The following BAZ2B variants were observed in gnomAD, a reference collection of about 807,000 sequenced individuals.
BAZ2B encodes bromodomain adjacent to zinc finger domain protein 2B.
A neutral mutation model predicts 246.0 loss-of-function variants in BAZ2B; 91 were observed. That is an observed-to-expected ratio of 0.37 (90% confidence interval 0.31 to 0.44). The LOEUF is 0.44. BAZ2B is among the 20% of genes least tolerant of loss of function. BAZ2B has a pLI of 1.00. For missense variants in BAZ2B, 2,332 were observed against 2,533.7 expected, an observed-to-expected ratio of 0.92 and a Z score of 1.71; for synonymous variants, 855 against 860.0, an observed-to-expected ratio of 0.99 and a Z score of 0.10.
chr2:159,354,740 T>C (rs2058917881), intron 27 of BAZ2B, among the ~76,000 whole-genome samples: 1 of 152,214 alleles, frequency 6.6e-6, no homozygotes, highest in African/African-American at 2.4e-5. Flanking sequence ...ATCTTTTATC[T>C]CATATAATCC....
the BAZ2B span, among the ~76,000 whole-genome samples, chr2:159,656,138 C>T: frequency 1.3e-5 from 2 of 152,154 alleles, no homozygotes; most frequent in African/African-American, 4.8e-5. Flanking sequence ...ATTTGTCTCT[C>T]ATGCAGTGTG....
intron 36 of BAZ2B, among the ~76,000 whole-genome samples, chr2:159,322,279 T>A (rs1034259478): frequency 4.6e-5 from 7 of 152,180 alleles, no homozygotes; most frequent in African/African-American, 1.7e-4. Flanking sequence ...GTTAAGAAAT[T>A]CACATAAAAT....
chr2:159,661,375 G>A, the BAZ2B span, among the ~76,000 whole-genome samples: 2 of 152,096 alleles, frequency 1.3e-5, no homozygotes, highest in Non-Finnish European at 2.9e-5. Flanking sequence ...CAATTTGGGG[G>A]CTATTACAAA....
rs771515530 is a variant in BAZ2B at position 159,347,549 on chromosome 2, C to T, written c.5391G>A (p.Leu1797=). 3.1e-6 allele frequency: 5 copies of T among 1,613,802 alleles called. No homozygotes were observed. The East Asian group carries it at 8.9e-5, about 29-fold the overall frequency. Residue 1797 remains leucine, a synonymous_variant, in exon 31 of 37, where the codon TTG becomes TTA. Transcript: ENST00000392783. ...SVEEQAMEMD[L]SVLQQVEDLE... Reference sequence around the variant, plus strand: ...GATCTTCTACCTGTTGAAGGACACTCAAATCCATTTCCATTGCTTGTTCTT... The same window carrying T: ...GATCTTCTACCTGTTGAAGGACACTTAAATCCATTTCCATTGCTTGTTCTT...
At chr2:159,318,526 T>C (rs1057109349), downstream of BAZ2B, among the ~76,000 whole-genome samples, 5 of 152,246 alleles carry the variant, frequency 3.3e-5, no homozygotes, top group Non-Finnish European at 5.9e-5. Flanking sequence ...ATAAGCTCCA[T>C]GAAGGCAAGG....
At chr2:159,407,935 TAACATTA>T (rs2066213509) in intron 14 of BAZ2B, among the ~76,000 whole-genome samples, 1 of 152,234 alleles carries the variant, frequency 6.6e-6, no homozygotes, top group African/African-American at 2.4e-5. Flanking sequence ...AATATTTCTT[TAACATTA>T]AGAATTGAAA....
chr2:159,522,610 G>A (rs370333220), intron 2 of BAZ2B, among the ~76,000 whole-genome samples: 24 of 152,240 alleles, frequency 1.6e-4, no homozygotes, highest in African/African-American at 4.1e-4. Context: ...ACAATTAGAC[G>A]TTCCTTATTA....
At chr2:159,536,818 G>A (rs1258603036) in intron 2 of BAZ2B, among the ~76,000 whole-genome samples, 1 of 151,950 alleles carries the variant, frequency 6.6e-6, no homozygotes, top group Non-Finnish European at 1.5e-5. Flanking sequence ...TCTGAATTAC[G>A]ACAAAAATTA....
intron 2 of BAZ2B, among the ~76,000 whole-genome samples, chr2:159,546,143 T>C (rs918239456): frequency 6.6e-6 from 1 of 152,154 alleles, no homozygotes; most frequent in Non-Finnish European, 1.5e-5. Flanking sequence ...TCTAGTGATA[T>C]GGTTTGGCTG....
intron 1 of BAZ2B, among the ~76,000 whole-genome samples, chr2:159,588,888 A>G (rs1688661618): frequency 6.6e-6 from 1 of 152,226 alleles, no homozygotes. Context: ...TACTGGGAAC[A>G]CATTTTATAT....
chr2:159,548,154 G>C (rs1559745957), intron 2 of BAZ2B, among the ~76,000 whole-genome samples: 1 of 152,096 alleles, frequency 6.6e-6, no homozygotes, highest in Non-Finnish European at 1.5e-5. Context: ...AAAATATTCA[G>C]ACTCTAGAAA....
intron 2 of BAZ2B, among the ~76,000 whole-genome samples, chr2:159,501,573 C>T (rs2081848284): frequency 6.6e-6 from 1 of 151,846 alleles, no homozygotes; most frequent in African/African-American, 2.4e-5. Context: ...ATGACCATTA[C>T]CATGATTTTA....
At chr2:159,589,423 C>A (rs943499432) in intron 1 of BAZ2B, among the ~76,000 whole-genome samples, 2 of 150,788 alleles carry the variant, frequency 1.3e-5, no homozygotes, top group Non-Finnish European at 3.0e-5. Flanking sequence ...CAAGAAATAA[C>A]ACAAAATGCC....
chr2:159,339,341 C>G (rs768655920), intron 31 of BAZ2B, among the ~76,000 whole-genome samples: 55 of 152,236 alleles, frequency 3.6e-4, no homozygotes, highest in Non-Finnish European at 7.6e-4. Context: ...TGAAAAAACT[C>G]TGAGCAGATG....
intron 1 of BAZ2B, among the ~76,000 whole-genome samples, chr2:159,601,580 G>T (rs1692158839): frequency 6.6e-6 from 1 of 152,140 alleles, no homozygotes; most frequent in Admixed American, 6.5e-5. Context: ...AATTAGGCAG[G>T]TGTGATGGCA....
downstream of BAZ2B, among the ~76,000 whole-genome samples, chr2:159,315,799 G>A (rs561609102): frequency 6.6e-6 from 1 of 152,236 alleles, no homozygotes; most frequent in Non-Finnish European, 1.5e-5. Context: ...ACAAGTCCAT[G>A]TATTAAAAAA....
rs2070990333 is a variant in BAZ2B at position 159,430,921 on chromosome 2, G to C, written c.2136C>G (p.Ser712=). ...GSAPAALCSE[S]QSPAFLGTSS... Reference sequence around the variant, plus strand: ...ATGTACCAAGAAAAGCAGGTGACTGGGATTCAGAACATAAGGCAGCAGGAG... The same window carrying C: ...ATGTACCAAGAAAAGCAGGTGACTGCGATTCAGAACATAAGGCAGCAGGAG... The change falls in exon 10 of 37, where the codon TCC becomes TCG. Residue 712 remains serine, a synonymous_variant. Coordinates refer to ENST00000392783, the MANE Select transcript of BAZ2B (RefSeq NM_013450.4). The C allele has an allele frequency of 6.2e-7, 1 of 1,613,918 alleles. No individual in the cohort carries two copies.
At chr2:159,441,733 T>A (rs1320576877) in intron 6 of BAZ2B, among the ~76,000 whole-genome samples, 2 of 152,298 alleles carry the variant, frequency 1.3e-5, no homozygotes, top group East Asian at 3.9e-4. Flanking sequence ...CACTGCAGCC[T>A]TGAACTCCTG....
intron 2 of BAZ2B, among the ~76,000 whole-genome samples, chr2:159,543,908 T>C (rs1414108365): frequency 6.6e-6 from 1 of 152,258 alleles, no homozygotes; most frequent in East Asian, 1.9e-4. Flanking sequence ...GCCTGTTTGT[T>C]TGAATCTGGA....
Sources: gnomAD v4.1 joint callset for allele counts (sites outside exome capture counted in the v4.1 genomes callset) on GRCh38, gnomAD v4.1.1 for gene constraint, MANE v1.5 for transcripts, NCBI Gene and HGNC (gene_info 2026-07-23, HGNC 2026-07-21) for gene names.